The following PAN3 variants were observed in gnomAD, a reference collection of about 807,000 sequenced individuals.
The protein encoded by PAN3 is PAN2-PAN3 deadenylation complex subunit PAN3.
In PAN3, 19 loss-of-function variants were observed where a neutral mutation model predicts 96.2. That is an observed-to-expected ratio of 0.20 (90% confidence interval 0.14 to 0.29). The LOEUF (loss-of-function observed/expected upper bound fraction) is 0.29, where lower values mean the gene tolerates loss of function less well. Among genes scored for constraint, PAN3 ranks in the 10% least tolerant of loss-of-function variants. The pLI is 1.00. For synonymous variants in PAN3, 433 were observed against 406.6 expected, an observed-to-expected ratio of 1.06 and a Z score of -0.78; for missense variants, 882 against 1,108.1, an observed-to-expected ratio of 0.80 and a Z score of 2.90.
At chr13:28,231,992 T>C (rs1201949484) in intron 6 of PAN3, among the ~76,000 whole-genome samples, 1 of 152,236 alleles carries the variant, frequency 6.6e-6, no homozygotes, top group African/African-American at 2.4e-5. Flanking sequence ...TTTGTACTTT[T>C]AATCAGTTCA....
At chr13:28,224,438 C>A (rs1049137627) in intron 6 of PAN3, among the ~76,000 whole-genome samples, 1 of 152,156 alleles carries the variant, frequency 6.6e-6, no homozygotes, top group Non-Finnish European at 1.5e-5. Context: ...ATCTCTCCTT[C>A]TGCTTAATTA....
intron 9 of PAN3, among the ~76,000 whole-genome samples, chr13:28,262,948 T>C (rs544758660): frequency 6.6e-6 from 1 of 152,332 alleles, no homozygotes; most frequent in South Asian, 2.1e-4. Flanking sequence ...TAGAGGTTAC[T>C]CATGATTAGG....
At chr13:28,242,573 C>T (rs1427247769) in intron 6 of PAN3, among the ~76,000 whole-genome samples, 1 of 152,118 alleles carries the variant, frequency 6.6e-6, no homozygotes, top group Non-Finnish European at 1.5e-5. Flanking sequence ...AAATCTTCAT[C>T]AAGAAGGTAT....
intron 18 of PAN3, among the ~76,000 whole-genome samples, chr13:28,288,859 C>CTCAG (rs1255348808): frequency 4.1e-4 from 1 of 2,436 alleles, no homozygotes; most frequent in Non-Finnish European, 6.0e-4. Flanking sequence ...GAGACGGAGT[C>CTCAG]TCTGTCACCC....
intron 1 of PAN3, among the ~76,000 whole-genome samples, chr13:28,157,332 T>G (rs1872323894): frequency 6.6e-6 from 1 of 152,154 alleles, no homozygotes; most frequent in Non-Finnish European, 1.5e-5. Flanking sequence ...TCAACACTGC[T>G]ATTCGACATA....
chr13:28,195,183 G>C (rs909394755), intron 4 of PAN3, among the ~76,000 whole-genome samples: 1 of 152,082 alleles, frequency 6.6e-6, no homozygotes, highest in African/African-American at 2.4e-5. Context: ...GTGGTGGATG[G>C]CTTGAGTCCA....
At chr13:28,172,815 T>C (rs561012725) in intron 1 of PAN3, among the ~76,000 whole-genome samples, 24 of 152,180 alleles carry the variant, frequency 1.6e-4, no homozygotes, top group Non-Finnish European at 2.8e-4. Flanking sequence ...CCAACACTTA[T>C]AGAGGCTGAG....
At chr13:28,179,264 G>A (rs1875453180) in intron 4 of PAN3, among the ~76,000 whole-genome samples, 1 of 152,212 alleles carries the variant, frequency 6.6e-6, no homozygotes, top group Non-Finnish European at 1.5e-5. Flanking sequence ...ACAGACCCAG[G>A]ACAATAGACA....
chr13:28,250,344 T>C (rs758203885), intron 6 of PAN3, among the ~76,000 whole-genome samples: 20 of 152,098 alleles, frequency 1.3e-4, no homozygotes, highest in Non-Finnish European at 2.5e-4. Context: ...TACAGGTGCA[T>C]ACCATGTCTG....
chr13:28,200,759 A>G lies in PAN3; in HGVS notation c.852+3413A>G, dbSNP rs150671721. ...TTTGTAGAGGGTAAATTTATTCTTC[A>G]TATGGCTGTTTGAGATATTGATAAG... On this transcript the variant is annotated intron_variant, in intron 5 of 18. Transcript: ENST00000380958. Among the ~76,000 whole-genome samples, 262 of 152,322 alleles carry G rather than the reference A, an allele frequency of 1.7e-3. 6 individuals are homozygous for G. In the East Asian group the frequency reaches 0.045, roughly 26 times the overall value.
At chr13:28,218,723 TAGTC>T (rs1323325817) in intron 5 of PAN3, among the ~76,000 whole-genome samples, 2 of 152,206 alleles carry the variant, frequency 1.3e-5, no homozygotes, top group African/African-American at 4.8e-5. Flanking sequence ...TTTTTGAAAT[TAGTC>T]TGTTATTTAC....
chr13:28,152,510 G>C (rs1320956799), intron 1 of PAN3, among the ~76,000 whole-genome samples: 1 of 152,094 alleles, frequency 6.6e-6, no homozygotes, highest in Non-Finnish European at 1.5e-5. Context: ...CTTGAACCCA[G>C]GAGGCGGAGG....
At chr13:28,157,566 C>T (rs1283021964) in intron 1 of PAN3, among the ~76,000 whole-genome samples, 1 of 152,150 alleles carries the variant, frequency 6.6e-6, no homozygotes, top group East Asian at 1.9e-4. Context: ...ACACCAACAG[C>T]ATCCAAGCTG....
intron 1 of PAN3, among the ~76,000 whole-genome samples, chr13:28,172,153 C>A (rs1364003953): frequency 6.6e-6 from 1 of 152,156 alleles, no homozygotes; most frequent in Non-Finnish European, 1.5e-5. Flanking sequence ...GTGTCACAGA[C>A]ACATACAATT....
chr13:28,234,498 G>T (rs1882896922), intron 6 of PAN3, among the ~76,000 whole-genome samples: 1 of 152,036 alleles, frequency 6.6e-6, no homozygotes, highest in Non-Finnish European at 1.5e-5. Context: ...AGGTAACAAG[G>T]GTTTTAAACT....
At chr13:28,166,309 T>A (rs1316962620) in intron 1 of PAN3, among the ~76,000 whole-genome samples, 2 of 152,186 alleles carry the variant, frequency 1.3e-5, no homozygotes, top group Non-Finnish European at 2.9e-5. Context: ...GGATAGCAGA[T>A]CCCAAGAAAG....
At chr13:28,184,255 T>C (rs959616563) in intron 4 of PAN3, among the ~76,000 whole-genome samples, 8 of 150,848 alleles carry the variant, frequency 5.3e-5, no homozygotes, top group African/African-American at 9.9e-5. Flanking sequence ...CCAGATAATA[T>C]GGTAAACCTA....
intron 4 of PAN3, among the ~76,000 whole-genome samples, chr13:28,195,592 G>A (rs570117697): frequency 3.9e-5 from 6 of 152,278 alleles, no homozygotes; most frequent in African/African-American, 1.4e-4. Flanking sequence ...CTGGAGTGCA[G>A]TGTCATGATC....
At position 28,176,477 on chromosome 13, in the gene PAN3, A is replaced by C; in HGVS notation, c.553-16A>C. On this transcript the variant is annotated splice_polypyrimidine_tract_variant and intron_variant, in intron 2 of 18. Transcript: ENST00000380958. The stretch of plus-strand genomic sequence containing the variant: ...TATTCCTCAGTGATGTTATAAATAA[A>C]TATTTTGTTTTTCAGAGAATGACTA... The C allele has an allele frequency of 6.2e-7, 1 of 1,605,890 alleles. No homozygotes were observed. The highest frequency in any genetic ancestry group is 8.5e-7 in the Non-Finnish European group (1 of 1,172,704).
Sources: allele counts gnomAD v4.1 joint callset (sites outside exome capture counted in the v4.1 genomes callset), GRCh38; gene constraint gnomAD v4.1.1; transcripts MANE v1.5; gene names NCBI Gene and HGNC (gene_info 2026-07-23, HGNC 2026-07-21).